The following ITPRID1 variants were observed in gnomAD, a reference collection of about 807,000 sequenced individuals.
The protein encoded by ITPRID1 is ITPR interacting domain containing 1.
In ITPRID1, 96 loss-of-function variants were observed where a neutral mutation model predicts 95.4. The ratio of observed to expected loss-of-function variants is 1.01; its 90% confidence interval spans 0.85 to 1.19. The LOEUF (loss-of-function observed/expected upper bound fraction) is 1.19, where lower values mean the gene tolerates loss of function less well. Among genes scored for constraint, ITPRID1 ranks in the 50% most tolerant of loss-of-function variants. The pLI, the probability that ITPRID1 is intolerant of heterozygous loss-of-function variation, is 0.00. For missense variants in ITPRID1, 1,339 were observed against 1,252.9 expected (o/e 1.07, Z -1.04); for synonymous variants, 510 against 453.6 (o/e 1.12, Z -1.58).
At chr7:31,573,980 C>T (rs931825601) in intron 7 of ITPRID1, among the ~76,000 whole-genome samples, 2 of 151,844 alleles carry the variant, frequency 1.3e-5, no homozygotes, top group African/African-American at 4.8e-5. Context: ...TGTTTCTTAG[C>T]CAAGTACAAA....
chr7:31,534,573 A>G (rs988409206), intron 1 of ITPRID1, among the ~76,000 whole-genome samples: 4 of 152,028 alleles, frequency 2.6e-5, no homozygotes, highest in African/African-American at 9.7e-5. Flanking sequence ...TTGTAGCTAT[A>G]TCAGCTTTCT....
chr7:31,631,314 T>C (rs562011184), intron 10 of ITPRID1, among the ~76,000 whole-genome samples: 3 of 152,312 alleles, frequency 2.0e-5, no homozygotes, highest in African/African-American at 7.2e-5. Flanking sequence ...ACACAAATCA[T>C]AATTTTTGAT....
At chr7:31,577,827 C>T in intron 8 of ITPRID1, 36 bp from the exon 9 acceptor site, 1 of 1,499,830 alleles carries the variant, frequency 6.7e-7, no homozygotes, top group Non-Finnish European at 8.9e-7. Flanking sequence ...CAAAAAAGAC[C>T]CAATCTGAAA....
At chr7:31,639,537 TG>T (rs1411586648) in intron 10 of ITPRID1, among the ~76,000 whole-genome samples, 10 of 22,120 alleles carry the variant, frequency 4.5e-4, no homozygotes, top group East Asian at 2.1e-3. Context: ...TGTTTGTTTT[TG>T]TTTTTTTTTT....
intron 10 of ITPRID1, among the ~76,000 whole-genome samples, chr7:31,620,555 T>C (rs1318465670): frequency 6.6e-6 from 1 of 151,468 alleles, no homozygotes; most frequent in Non-Finnish European, 1.5e-5. Context: ...GGGTCCTGTC[T>C]GTTAGAAGGA....
chr7:31,632,621 A>C (rs1789113283), intron 10 of ITPRID1, among the ~76,000 whole-genome samples: 2 of 152,194 alleles, frequency 1.3e-5, no homozygotes, highest in Admixed American at 6.5e-5. Flanking sequence ...CACTGGGAAC[A>C]CAACTTCTGA....
intron 1 of ITPRID1, among the ~76,000 whole-genome samples, chr7:31,524,072 G>A (rs960102420): frequency 3.3e-5 from 5 of 152,152 alleles, no homozygotes; most frequent in Non-Finnish European, 5.9e-5. Context: ...AGGGGACAGC[G>A]CAGGAAGTAT....
Position 31,643,865 on chromosome 7 carries a change from G to A in ITPRID1, c.2495G>A (p.Cys832Tyr). 6.2e-7 allele frequency: 1 copy of A among 1,613,910 alleles called. No homozygotes were observed. Among genetic ancestry groups the A allele is most frequent in the Non-Finnish European group, 8.5e-7 (1 of 1,179,894 alleles). ...CCTGAACCCTCAGTCTGTAGGCACT[G>A]CCTGTGTTCACTAACTGGTCACCAG... ...PGPEPSVCRHCLCSLTGHQEA... is the reference protein window; with the variant it reads ...PGPEPSVCRHYLCSLTGHQEA... Residue 832 changes from cysteine (C) to tyrosine (Y), a missense_variant, in exon 12 of 15, where the codon TGC becomes TAC. Transcript: ENST00000615280.
intron 1 of ITPRID1, among the ~76,000 whole-genome samples, chr7:31,525,302 G>T (rs958711738): frequency 6.6e-6 from 1 of 152,132 alleles, no homozygotes; most frequent in African/African-American, 2.4e-5. Context: ...GTCAAATACA[G>T]GGTGTCTCAA....
chr7:31,567,556 C>T (rs970271832), intron 5 of ITPRID1, among the ~76,000 whole-genome samples: 3 of 149,548 alleles, frequency 2.0e-5, no homozygotes, highest in African/African-American at 4.9e-5. Context: ...CCTTTAAAAT[C>T]GATTCTATTT....
intron 10 of ITPRID1, among the ~76,000 whole-genome samples, chr7:31,616,544 C>G (rs1253995927): frequency 3.3e-5 from 5 of 152,182 alleles, no homozygotes; most frequent in African/African-American, 1.2e-4. Flanking sequence ...TGCCCATCAA[C>G]ACATCCCTCC....
In ITPRID1 at chr7:31,552,870, G is replaced by A. The variant is rs1784327742; in HGVS notation, c.-23-132G>A. ...AGCTTGGCTCAGGTGGGTGAGCCAG[G>A]TTCATGTATGACTGTGAAGCTGGAT... On this transcript the variant is annotated intron_variant, in intron 2 of 14. Transcript: ENST00000615280. 49 of 948,202 alleles carry A rather than the reference G, an allele frequency of 5.2e-5. 1 individual carries two copies. The South Asian group carries it at 8.1e-4, about 16-fold the overall frequency. 58.7% of individuals were successfully genotyped at this position (948,202 alleles called of 1,614,324 possible).
intron 1 of ITPRID1, chr7:31,529,571 T>C: frequency 1.9e-6 from 1 of 519,444 alleles, no homozygotes; most frequent in Non-Finnish European, 3.4e-6. Flanking sequence ...GTAGAGAGAA[T>C]CACTTTGTGT....
downstream of ITPRID1, among the ~76,000 whole-genome samples, chr7:31,656,987 C>T (rs1174338439): frequency 6.7e-6 from 1 of 148,932 alleles, no homozygotes; most frequent in Non-Finnish European, 1.5e-5. Flanking sequence ...CCTTTAGGCT[C>T]AGACTGAATT....
At chr7:31,534,201 C>G (rs1295286196) in intron 1 of ITPRID1, among the ~76,000 whole-genome samples, 1 of 152,132 alleles carries the variant, frequency 6.6e-6, no homozygotes, top group South Asian at 2.1e-4. Context: ...CAAACCAGTC[C>G]CTGGTGCCAA....
At chr7:31,635,715 G>A (rs762355980) in intron 10 of ITPRID1, among the ~76,000 whole-genome samples, 13 of 152,076 alleles carry the variant, frequency 8.5e-5, no homozygotes, top group Non-Finnish European at 1.9e-4. Context: ...ATGAAGAAAA[G>A]AGGTTTAAAT....
At chr7:31,558,972 TAAGA>T (rs1784540641) in intron 5 of ITPRID1, among the ~76,000 whole-genome samples, 1 of 152,204 alleles carries the variant, frequency 6.6e-6, no homozygotes, top group Admixed American at 6.5e-5. Context: ...GTTCTAATAG[TAAGA>T]AAGAAGTATA....
intron 1 of ITPRID1, among the ~76,000 whole-genome samples, chr7:31,546,323 A>C (rs991399894): frequency 6.6e-6 from 1 of 152,102 alleles, no homozygotes; most frequent in Non-Finnish European, 1.5e-5. Flanking sequence ...TACTCCAATA[A>C]TTTTTGTAAA....
chr7:31,568,238 T>C (rs1784867148), intron 5 of ITPRID1, among the ~76,000 whole-genome samples: 1 of 152,194 alleles, frequency 6.6e-6, no homozygotes, highest in Non-Finnish European at 1.5e-5. Context: ...TTGAAAATCT[T>C]CTGAAAATGA....
Sources: gnomAD v4.1 joint callset for allele counts (sites outside exome capture counted in the v4.1 genomes callset) on GRCh38, gnomAD v4.1.1 for gene constraint, MANE v1.5 for transcripts, NCBI Gene and HGNC (gene_info 2026-07-23, HGNC 2026-07-21) for gene names.